ATP1A1: variants seen among roughly 807,000 people sequenced by gnomAD.
ATP1A1 encodes the protein ATPase Na+/K+ transporting subunit alpha 1.
Under a neutral mutation model 114.8 loss-of-function variants are expected in ATP1A1, and 14 were observed. That is an observed-to-expected ratio of 0.12 (90% CI 0.08 to 0.19). The LOEUF (loss-of-function observed/expected upper bound fraction) is 0.19. ATP1A1 is among the 10% of genes least tolerant of loss of function. The pLI is 1.00. For synonymous variants in ATP1A1, 471 were observed against 466.3 expected, an observed-to-expected ratio of 1.01 and a Z score of -0.13; for missense variants, 524 against 1,290.7, an observed-to-expected ratio of 0.41 and a Z score of 9.10.
rs1350987350 is a variant in ATP1A1, at chr1:116,389,432, T to TC, written c.755-7_755-6insC. 2 of 1,613,442 alleles carry TC rather than the reference T, an allele frequency of 1.2e-6. No individual in the cohort carries two copies. The highest frequency in any genetic ancestry group is 2.2e-5 in the South Asian group (2 of 91,082). On this transcript the variant is annotated splice_region_variant and splice_polypyrimidine_tract_variant and intron_variant, in intron 7 of 22. Coordinates refer to ENST00000295598, the MANE Select transcript of ATP1A1 (RefSeq NM_000701.8). This position sits in a 1 kb window ranked among gnomAD's most constrained non-coding sequence, Gnocchi z 6.9. The stretch of plus-strand genomic sequence containing the variant: ...TAGGTACAGTTCTCCCTCCCCTTCT[T>TC]TTTAAGGCACCGCACGTGGTATTGT...
At position 116,404,029 on chromosome 1, in the gene ATP1A1, T is replaced by G. The variant is rs932219449; in HGVS notation, c.3043+54T>G. 5.1e-5 allele frequency: 79 copies of G among 1,551,828 alleles called. 1 individual carries two copies. Among genetic ancestry groups the G allele is most frequent in the Middle Eastern group, 1.7e-4 (1 of 5,896 alleles). On this transcript the variant is annotated intron_variant, in intron 22 of 22. Coordinates refer to ENST00000295598, the MANE Select transcript of ATP1A1 (RefSeq NM_000701.8). This position sits in a 1 kb window ranked among gnomAD's most constrained non-coding sequence, Gnocchi z 4.8. ...GAGGAGGAGTGGGAGGGGCTATAGT[T>G]CTATTGGTTTTTTGTTTCCCTCAAG... is the stretch of plus-strand genomic sequence containing the variant.
intron 1 of ATP1A1, among the ~76,000 whole-genome samples, chr1:116,379,940 T>G (rs763638981): frequency 6.6e-5 from 10 of 152,324 alleles, no homozygotes; most frequent in South Asian, 2.1e-4. Flanking sequence ...TCCAGAGGTG[T>G]TGTTTCTACA....
Position 116,389,860 on chromosome 1 carries a change from A to T in ATP1A1, c.1023+153A>T. 1 of 1,176,134 alleles carries T rather than the reference A, an allele frequency of 8.5e-7. No homozygotes were observed. The highest frequency in any genetic ancestry group is 1.2e-6 in the Non-Finnish European group (1 of 856,766). The allele number at this position is 1,176,134 out of a possible 1,614,324, so 72.9% of individuals were successfully genotyped here. A position where few individuals can be genotyped will look rare whatever the true frequency, so the allele number is the denominator to read the frequency against. ...GAGCCACATCACGTGGTGAATTTTG[A>T]CAGTGAGAAAACCTCAGCATTTGTT... On this transcript the variant is annotated intron_variant, in intron 8 of 22. Transcript: ENST00000295598. This position sits in a 1 kb window ranked among gnomAD's most constrained non-coding sequence, Gnocchi z 6.9.
At chr1:116,383,512 T>C (rs1651880489) in intron 1 of ATP1A1, 1 of 371,298 alleles carries the variant, frequency 2.7e-6, no homozygotes, top group Non-Finnish European at 3.7e-6. Flanking sequence ...AAGAGGAAAT[T>C]GAAATGTAGA....
At chr1:116,380,301 T>A (rs1430636170) in intron 1 of ATP1A1, among the ~76,000 whole-genome samples, 1 of 152,214 alleles carries the variant, frequency 6.6e-6, no homozygotes, top group Non-Finnish European at 1.5e-5. Context: ...AACTTTCAAG[T>A]ACCCTCTAAA....
In ATP1A1 at chr1:116,401,265, G is replaced by A. The variant is rs763313496; in HGVS notation, c.2849+5G>A. On this transcript the variant is annotated splice_donor_5th_base_variant and intron_variant, in intron 20 of 22. Coordinates refer to ENST00000295598, the MANE Select transcript of ATP1A1 (RefSeq NM_000701.8). The surrounding 1 kb of genome is among the most constrained non-coding windows in gnomAD (Gnocchi z 4.7). ...GGTCTTCCAGCAGGGGATGAAGTAA[G>A]TAATGAAGGACATGTCAAGGCCTTG... is the stretch of plus-strand genomic sequence containing the variant. 6.2e-7 allele frequency: 1 copy of A among 1,614,194 alleles called. No homozygotes were observed. The highest frequency in any genetic ancestry group is 1.1e-5 in the South Asian group (1 of 91,090).
At position 116,396,743 on chromosome 1, in the gene ATP1A1, G is replaced by A. The variant is rs2101058055; in HGVS notation, c.1973+9G>A. 1 of 1,562,850 alleles carries A rather than the reference G, an allele frequency of 6.4e-7. No individual in the cohort carries two copies. Among genetic ancestry groups the A allele is most frequent in the Admixed American group, 1.9e-5 (1 of 53,790 alleles). ...AGCCAGGTGAACCCCAGGTAAGGCA[G>A]GAAGCTCAAATCACAGTCTGCTGTG... is the stretch of plus-strand genomic sequence containing the variant. On this transcript the variant is annotated intron_variant, in intron 14 of 22. Transcript: ENST00000295598.
At chr1:116,403,159 C>T (rs769117306) in intron 21 of ATP1A1, among the ~76,000 whole-genome samples, 3 of 152,200 alleles carry the variant, frequency 2.0e-5, no homozygotes, top group Non-Finnish European at 2.9e-5. Flanking sequence ...TATTCGGTGA[C>T]TGAGTCAAAT....
At position 116,401,819 on chromosome 1, in the gene ATP1A1, C is replaced by G; in HGVS notation, c.2951+164C>G. On this transcript the variant is annotated intron_variant, in intron 21 of 22. Transcript: ENST00000295598. This position sits in a 1 kb window ranked among gnomAD's most constrained non-coding sequence, Gnocchi z 4.7. ...AAGCTTGACATGTCAGTAAATCAGACTAACAAATCCTGAGGCTTCCATGAT... is the reference window on the plus strand; with the variant it reads ...AAGCTTGACATGTCAGTAAATCAGAGTAACAAATCCTGAGGCTTCCATGAT... 3.0e-6 allele frequency: 2 copies of G among 662,080 alleles called. No homozygotes were observed. Among genetic ancestry groups the G allele is most frequent in the Middle Eastern group, 2.5e-4 (1 of 3,938 alleles). The allele number at this position is 662,080 out of a possible 1,614,324, so 41.0% of individuals were successfully genotyped here.
At chr1:116,375,754 A>C (rs1159246257) in intron 1 of ATP1A1, among the ~76,000 whole-genome samples, 1 of 152,186 alleles carries the variant, frequency 6.6e-6, no homozygotes, top group Non-Finnish European at 1.5e-5. Flanking sequence ...ATGGGGATTA[A>C]AATGTGGGTG....
Position 116,398,204 on chromosome 1 carries a change from A to T in ATP1A1, c.2124+166A>T, listed in dbSNP as rs952335580. On this transcript the variant is annotated intron_variant, in intron 15 of 22. Transcript: ENST00000295598. The surrounding 1 kb of genome is among the most constrained non-coding windows in gnomAD (Gnocchi z 6.1). Reference sequence around the variant, plus strand: ...ATAGGCATAGAGAGGGTGACTTGTTAATGGTTTAGCAGTGACAGAAGCACT... The same window carrying T: ...ATAGGCATAGAGAGGGTGACTTGTTTATGGTTTAGCAGTGACAGAAGCACT... Among the ~76,000 whole-genome samples, 20 of 152,170 alleles carry T rather than the reference A, an allele frequency of 1.3e-4. No homozygotes were observed. Among genetic ancestry groups the T allele is most frequent in the Non-Finnish European group, 1.5e-4 (10 of 68,020 alleles).
Position 116,393,026 on chromosome 1 carries a change from G to C in ATP1A1, c.1467+38G>C. 6.2e-7 allele frequency: 1 copy of C among 1,609,354 alleles called. No homozygotes were observed. Among genetic ancestry groups the C allele is most frequent in the Non-Finnish European group, 8.5e-7 (1 of 1,177,320 alleles). On this transcript the variant is annotated intron_variant, in intron 11 of 22. Transcript: ENST00000295598. The surrounding 1 kb of genome is among the most constrained non-coding windows in gnomAD (Gnocchi z 5.0). ...ATGGGTACACGGAGGGCGAGGGCAA[G>C]CTGGGGGACAAAGAGGGGAGGTACA...
At chr1:116,394,225 T>A (rs1003874929) in intron 12 of ATP1A1, among the ~76,000 whole-genome samples, 10 of 152,164 alleles carry the variant, frequency 6.6e-5, no homozygotes, top group Non-Finnish European at 1.3e-4. Context: ...ATGCTACCTA[T>A]TTTTTTCTAC....
At position 116,389,934 on chromosome 1, in the gene ATP1A1, G is replaced by A. The variant is rs143079121; in HGVS notation, c.1023+227G>A. 4.5e-4 allele frequency: 343 copies of A among 762,590 alleles called. 1 individual carries two copies. In the East Asian group the frequency reaches 8.9e-3, roughly 20 times the overall value. The allele number at this position is 762,590 out of a possible 1,614,324, so 47.2% of individuals were successfully genotyped here. The stretch of plus-strand genomic sequence containing the variant: ...ATACATTTTGCTTTTAAATTATCAC[G>A]TGGTCCTGAACAGTGCAGTGGAGAA... On this transcript the variant is annotated intron_variant, in intron 8 of 22. Transcript: ENST00000295598. The surrounding 1 kb of genome is among the most constrained non-coding windows in gnomAD (Gnocchi z 6.9).
chr1:116,404,631 T>A lies in ATP1A1; in HGVS notation c.*187T>A. The A allele has an allele frequency of 1.5e-6, 2 of 1,307,704 alleles. No individual in the cohort carries two copies. The highest frequency in any genetic ancestry group is 3.2e-5 in the East Asian group (1 of 31,440). The allele number at this position is 1,307,704 out of a possible 1,614,324, so 81.0% of individuals were successfully genotyped here. A position where few individuals can be genotyped will look rare whatever the true frequency, so the allele number is the denominator to read the frequency against. ...TATGGGGGGAGGGGGGAGGGCTGCC[T>A]GAAAACCATCCATCTGTGGAAATGA... is the stretch of plus-strand genomic sequence containing the variant. On this transcript the variant is annotated 3_prime_UTR_variant, in exon 23 of 23. Transcript: ENST00000295598. This position sits in a 1 kb window ranked among gnomAD's most constrained non-coding sequence, Gnocchi z 4.8.
chr1:116,389,811 G>A lies in ATP1A1; in HGVS notation c.1023+104G>A. ...TATTGCCAACTTATGTTTTATTCTG[G>A]ATGTTTGATATAGTTCTTCTTGAGA... On this transcript the variant is annotated intron_variant, in intron 8 of 22. Transcript: ENST00000295598. The surrounding 1 kb of genome is among the most constrained non-coding windows in gnomAD (Gnocchi z 6.9). 1 of 1,473,658 alleles carries A rather than the reference G, an allele frequency of 6.8e-7. No individual in the cohort carries two copies. The highest frequency in any genetic ancestry group is 9.1e-7 in the Non-Finnish European group (1 of 1,094,402). 91.3% of individuals were successfully genotyped at this position (1,473,658 alleles called of 1,614,324 possible).
At position 116,401,059 on chromosome 1, in the gene ATP1A1, G is replaced by T; in HGVS notation, c.2718+53G>T. ...TGTCAGAGCTCCTCAAGCCCCAGAA[G>T]ACTGAGGCCACACTGCCACCAGCCA... is the stretch of plus-strand genomic sequence containing the variant. On this transcript the variant is annotated intron_variant, in intron 19 of 22. Coordinates refer to ENST00000295598, the MANE Select transcript of ATP1A1 (RefSeq NM_000701.8). This position sits in a 1 kb window ranked among gnomAD's most constrained non-coding sequence, Gnocchi z 4.7. 6.2e-7 allele frequency: 1 copy of T among 1,612,552 alleles called. No individual in the cohort carries two copies. Among genetic ancestry groups the T allele is most frequent in the African/African-American group, 1.3e-5 (1 of 75,026 alleles).
rs779368648 is a variant in ATP1A1 at position 116,390,198 on chromosome 1, C to A, written c.1024-15C>A. 6.2e-7 allele frequency: 1 copy of A among 1,612,400 alleles called. No homozygotes were observed. Among genetic ancestry groups the A allele is most frequent in the South Asian group, 1.1e-5 (1 of 91,024 alleles). ...CCTGGTTGAGTGAAGTAATAATCTT[C>A]CTAATATTTTTTAGGTCTGTCTGAC... On this transcript the variant is annotated splice_polypyrimidine_tract_variant and intron_variant, in intron 8 of 22. Transcript: ENST00000295598.
chr1:116,389,716 C>CA lies in ATP1A1; in HGVS notation c.1023+10dup, dbSNP rs368853201. On this transcript the variant is annotated intron_variant, in intron 8 of 22. Transcript: ENST00000295598. The surrounding 1 kb of genome is among the most constrained non-coding windows in gnomAD (Gnocchi z 6.9). ...TGCTGGCCACTGTCACGGTAAGAGGCAGGTGATGGTCACCCTGACTCAGAT... is the reference window on the plus strand; with the variant it reads ...TGCTGGCCACTGTCACGGTAAGAGGCAAGGTGATGGTCACCCTGACTCAGAT... 6.8e-4 allele frequency: 1,095 copies of CA among 1,613,924 alleles called. 16 individuals are homozygous for CA. The South Asian group carries it at 0.011, about 17-fold the overall frequency.
Sources: gnomAD v4.1 joint callset for allele counts (sites outside exome capture counted in the v4.1 genomes callset) on GRCh38, gnomAD v4.1.1 for gene constraint, Gnocchi (gnomAD v3.1) non-coding constraint, MANE v1.5 for transcripts, NCBI Gene and HGNC (gene_info 2026-07-23, HGNC 2026-07-21) for gene names.